DEF8: variants seen among roughly 807,000 people sequenced by gnomAD.
DEF8 encodes the protein differentially expressed in FDCP 8 homolog, also known as DEF-8.
DEF8 carries 38 observed loss-of-function variants against 59.1 expected under a neutral mutation model. The observed-to-expected ratio is 0.64, with a 90% CI of 0.50 to 0.84. The LOEUF is 0.84. Among genes scored for constraint, DEF8 ranks in the 40% least tolerant of loss-of-function variants. The pLI is 0.00. For missense variants in DEF8, 557 were observed against 615.2 expected, an observed-to-expected ratio of 0.91 and a Z score of 1.00; for synonymous variants, 265 against 250.1, an observed-to-expected ratio of 1.06 and a Z score of -0.56.
At position 89,954,107 on chromosome 16, in the gene DEF8, G is replaced by A; in HGVS notation, c.-10-136G>A. On this transcript the variant is annotated intron_variant, in intron 2 of 12. Transcript: ENST00000563594. This position sits in a 1 kb window ranked among gnomAD's most constrained non-coding sequence, Gnocchi z 4.3. ...GGAAAAGGCTGAAGATCAAGGCTGT[G>A]GTGTGAGGACTACCCACTTTAGGGA... 1 of 880,486 alleles carries A rather than the reference G, an allele frequency of 1.1e-6. No individual in the cohort carries two copies. The highest frequency in any genetic ancestry group is 2.5e-5 in the East Asian group (1 of 39,440). The allele number at this position is 880,486 out of a possible 1,614,324, so 54.5% of individuals were successfully genotyped here. A position where few individuals can be genotyped will look rare whatever the true frequency, so the allele number is the denominator to read the frequency against.
chr16:89,957,784 T>C lies in DEF8; in HGVS notation c.372+124T>C. ...TGGTCTCTCTCTCGGCCTCAGGGGC[T>C]GAGGTAGAAGGGCACGAGACAGGCA... On this transcript the variant is annotated intron_variant, in intron 5 of 12. Coordinates refer to ENST00000563594, the MANE Select transcript of DEF8 (RefSeq NM_001242818.2). The C allele has an allele frequency of 4.8e-6, 6 of 1,240,530 alleles. No homozygotes were observed. In the South Asian group the frequency reaches 8.0e-5, roughly 17 times the overall value. 76.8% of individuals were successfully genotyped at this position (1,240,530 alleles called of 1,614,324 possible).
intron 1 of DEF8, among the ~76,000 whole-genome samples, 169 bp from the exon 2 acceptor site, chr16:89,949,248 G>A (rs1356260820): frequency 6.6e-6 from 1 of 151,948 alleles, no homozygotes; most frequent in African/African-American, 2.4e-5. Flanking sequence ...GCGGCTCAGG[G>A]GACCCGCGTG....
At chr16:89,955,442 G>A (rs1356520240) in intron 4 of DEF8, among the ~76,000 whole-genome samples, 176 bp downstream of exon 4, 2 of 152,120 alleles carry the variant, frequency 1.3e-5, no homozygotes, top group East Asian at 1.9e-4. Flanking sequence ...TCCTGGCTTC[G>A]AATCTGAGGC....
intron 10 of DEF8, 141 bp downstream of exon 10, chr16:89,963,584 A>T: frequency 1.6e-6 from 1 of 640,432 alleles, no homozygotes. Flanking sequence ...CAAGGAACAA[A>T]GCAAACAGGT....
At chr16:89,963,279 G>C (rs569973947) in intron 9 of DEF8, 84 bp from the exon 10 acceptor site, 1 of 1,212,138 alleles carries the variant, frequency 8.2e-7, no homozygotes, top group African/African-American at 1.5e-5. Flanking sequence ...TCCTGGCCCT[G>C]CCGTGGCCCC....
At position 89,967,693 on chromosome 16, in the gene DEF8, C is replaced by T; in HGVS notation, c.*1730C>T. The T allele has an allele frequency of 2.6e-6, 1 of 390,460 alleles. No homozygotes were observed. Among genetic ancestry groups the T allele is most frequent in the Non-Finnish European group, 4.5e-6 (1 of 221,434 alleles). 24.2% of individuals were successfully genotyped at this position (390,460 alleles called of 1,614,324 possible). On this transcript the variant is annotated 3_prime_UTR_variant, in exon 13 of 13. Transcript: ENST00000563594. ...CTGCACACGTCTCATGAATGCATCA[C>T]ATTTCTGTCATATGGATATTAGCCA...
At chr16:89,965,609 C>A (rs2034535711) in intron 12 of DEF8, among the ~76,000 whole-genome samples, 1 of 152,092 alleles carries the variant, frequency 6.6e-6, no homozygotes, top group Non-Finnish European at 1.5e-5. Context: ...TGGCTCAGCC[C>A]CTCAGCTGTG....
rs757169037 is a variant in DEF8 at position 89,962,055 on chromosome 16, G to C, written c.851G>C (p.Arg284Pro). The C allele has an allele frequency of 1.4e-5, 22 of 1,614,104 alleles. No homozygotes were observed. Among genetic ancestry groups the C allele is most frequent in the Non-Finnish European group, 8.5e-7 (1 of 1,180,000 alleles). Residue 284 changes from arginine (R) to proline (P), a missense_variant, in exon 9 of 13, where the codon CGG becomes CCG. Physicochemically the swap from Arg to Pro is moderately radical, Grantham distance 103. Coordinates refer to ENST00000563594, the MANE Select transcript of DEF8 (RefSeq NM_001242818.2). ...CGCTACCTGGCGCTGATGGTGTCTCGGCCCGTACTCAGGCTCCGGGAGATC... is the reference window on the plus strand; with the variant it reads ...CGCTACCTGGCGCTGATGGTGTCTCCGCCCGTACTCAGGCTCCGGGAGATC... ...SMRYLALMVSRPVLRLREINP... is the reference protein window; with the variant it reads ...SMRYLALMVSPPVLRLREINP...
chr16:89,963,836 A>T (rs919027352), intron 10 of DEF8: 2 of 492,480 alleles, frequency 4.1e-6, no homozygotes, highest in Non-Finnish European at 7.5e-6. Flanking sequence ...GACAAGAAAA[A>T]TACGTTGTGT....
At chr16:89,964,665 G>A (rs1035463313) in intron 12 of DEF8, 90 bp downstream of exon 12, 55 of 954,742 alleles carry the variant, frequency 5.8e-5, no homozygotes, top group African/African-American at 5.7e-4. Context: ...GGATGATGCC[G>A]TGGGAGCTGG....
At position 89,954,824 on chromosome 16, in the gene DEF8, T is replaced by C. The variant is rs1359023192; in HGVS notation, c.125-345T>C. ...ACACTGGGGTTCGTGGATTTTGCTG[T>C]GTAGCCATGCAGTGGTTTTTCTCTC... On this transcript the variant is annotated intron_variant, in intron 3 of 12. Coordinates refer to ENST00000563594, the MANE Select transcript of DEF8 (RefSeq NM_001242818.2). This position sits in a 1 kb window ranked among gnomAD's most constrained non-coding sequence, Gnocchi z 4.3. 6.6e-6 allele frequency among the ~76,000 whole-genome samples: 1 copy of C among 152,160 alleles called. No individual in the cohort carries two copies. Among genetic ancestry groups the C allele is most frequent in the Non-Finnish European group, 1.5e-5 (1 of 68,018 alleles).
At position 89,967,205 on chromosome 16, in the gene DEF8, G is replaced by C. The variant is rs1327245130; in HGVS notation, c.*1242G>C. The C allele has an allele frequency of 2.5e-6, 1 of 398,452 alleles. No homozygotes were observed. The highest frequency in any genetic ancestry group is 4.4e-6 in the Non-Finnish European group (1 of 226,194). 24.7% of individuals were successfully genotyped at this position (398,452 alleles called of 1,614,324 possible). Reference sequence around the variant, plus strand: ...GTCTGTCCTTTTCCCCCACACCCTGGACTGTGCTTGGCTGTTGGTGCACAT... The same window carrying C: ...GTCTGTCCTTTTCCCCCACACCCTGCACTGTGCTTGGCTGTTGGTGCACAT... On this transcript the variant is annotated 3_prime_UTR_variant, in exon 13 of 13. Coordinates refer to ENST00000563594, the MANE Select transcript of DEF8 (RefSeq NM_001242818.2).
At chr16:89,964,357 G>T (rs572521297) in intron 11 of DEF8, 47 bp downstream of exon 11, 682 of 1,550,974 alleles carry the variant, frequency 4.4e-4, no homozygotes, top group Non-Finnish European at 5.3e-4. Flanking sequence ...CAGCCCTGAG[G>T]GGGGATTGGC....
chr16:89,962,295 T>C (rs142924086), intron 9 of DEF8, among the ~76,000 whole-genome samples, 170 bp downstream of exon 9: 436 of 152,356 alleles, frequency 2.9e-3, no homozygotes, highest in African/African-American at 9.9e-3. Flanking sequence ...TTGAAGGTGC[T>C]GGAGCGGTGT....
chr16:89,952,425 C>G (rs1251218391), intron 2 of DEF8: 1 of 152,728 alleles, frequency 6.5e-6, no homozygotes, highest in Non-Finnish European at 1.5e-5. Context: ...GTCAGTGAAG[C>G]CAGGAGCCCA....
intron 7 of DEF8, 127 bp from the exon 8 acceptor site, chr16:89,961,610 C>A: frequency 8.2e-7 from 1 of 1,213,722 alleles, no homozygotes; most frequent in Non-Finnish European, 1.2e-6. Flanking sequence ...GGTCTTCCGG[C>A]TGAGGATAGG....
At chr16:89,963,589 A>G (rs1436143860) in intron 10 of DEF8, 146 bp downstream of exon 10, 1 of 631,058 alleles carries the variant, frequency 1.6e-6, no homozygotes, top group East Asian at 2.8e-5. Flanking sequence ...AACAAAGCAA[A>G]CAGGTGTTCT....
chr16:89,956,179 C>T (rs927250276), intron 4 of DEF8, among the ~76,000 whole-genome samples: 8 of 151,692 alleles, frequency 5.3e-5, no homozygotes, highest in African/African-American at 1.9e-4. Context: ...GGATTTGGGC[C>T]AGACGTGGTG....
rs148317300 is a variant in DEF8 at position 89,957,513 on chromosome 16, T to A, written c.225T>A (p.Gly75=). 326 of 1,583,642 alleles carry A rather than the reference T, an allele frequency of 2.1e-4. 1 individual carries two copies. Among genetic ancestry groups the A allele is most frequent in the Non-Finnish European group, 2.6e-4 (306 of 1,165,336 alleles). ...LSEDHFSRPV[G]LFLASDVQQL... is the part of the protein sequence containing the mutation. ...GCCCCCGCCCCCAACCTGGGCAGGG[T>A]CTGTTCCTGGCCTCTGACGTCCAGC... The change falls in exon 5 of 13, where the codon GGT becomes GGA. Residue 75 remains glycine (G), a splice_region_variant and synonymous_variant. Coordinates refer to ENST00000563594, the MANE Select transcript of DEF8 (RefSeq NM_001242818.2).
Sources: gnomAD v4.1 joint callset for allele counts (sites outside exome capture counted in the v4.1 genomes callset) on GRCh38, gnomAD v4.1.1 for gene constraint, Gnocchi (gnomAD v3.1) non-coding constraint, MANE v1.5 for transcripts, NCBI Gene and HGNC (gene_info 2026-07-23, HGNC 2026-07-21) for gene names.